CTNNA3: variants seen among roughly 807,000 people sequenced by gnomAD.
CTNNA3 encodes catenin alpha 3.
Under a neutral mutation model 95.7 loss-of-function variants are expected in CTNNA3, and 76 were observed. The observed-to-expected ratio is 0.79, with a 90% CI of 0.66 to 0.96. The LOEUF is 0.96. Among genes scored for constraint, CTNNA3 ranks in the 40% least tolerant of loss-of-function variants. CTNNA3 has a pLI of 0.00. For missense variants in CTNNA3, 1,191 were observed against 1,089.8 expected, an observed-to-expected ratio of 1.09 and a Z score of -1.31; for synonymous variants, 431 against 374.4, an observed-to-expected ratio of 1.15 and a Z score of -1.74.
chr10:67,373,651 A>G (rs956462770), intron 5 of CTNNA3, among the ~76,000 whole-genome samples: 11 of 152,190 alleles, frequency 7.2e-5, no homozygotes, highest in African/African-American at 2.7e-4. Context: ...AAGATCTCCC[A>G]CAATGTTAAG....
intron 5 of CTNNA3, among the ~76,000 whole-genome samples, chr10:67,305,176 T>A (rs555509452): frequency 6.6e-6 from 1 of 152,122 alleles, no homozygotes; most frequent in East Asian, 1.9e-4. Flanking sequence ...CGTGGGAGGC[T>A]GAGGCAGGAG....
chr10:67,753,787 T>C (rs1027332921), intron 1 of CTNNA3, among the ~76,000 whole-genome samples: 2 of 152,114 alleles, frequency 1.3e-5, no homozygotes, highest in Non-Finnish European at 2.9e-5. Context: ...TGAGTCAGAA[T>C]GGCGATTATT....
At chr10:67,729,131 T>C (rs1309485429) in intron 1 of CTNNA3, among the ~76,000 whole-genome samples, 1 of 152,132 alleles carries the variant, frequency 6.6e-6, no homozygotes, top group African/African-American at 2.4e-5. Flanking sequence ...AAAAATACTT[T>C]AAAATGTTTA....
At chr10:66,822,650 T>C (rs1842343338) in intron 7 of CTNNA3, among the ~76,000 whole-genome samples, 1 of 152,224 alleles carries the variant, frequency 6.6e-6, no homozygotes, top group Non-Finnish European at 1.5e-5. Context: ...TAGACTATTA[T>C]CAGTCTTCAC....
chr10:67,201,452 CT>C (rs938746524), intron 6 of CTNNA3, among the ~76,000 whole-genome samples: 41 of 149,670 alleles, frequency 2.7e-4, no homozygotes, highest in Admixed American at 1.3e-3. Context: ...TATGTCTATT[CT>C]TTTTTTTTTA....
intron 7 of CTNNA3, among the ~76,000 whole-genome samples, chr10:67,176,193 G>C (rs889814111): frequency 2.0e-5 from 3 of 152,098 alleles, no homozygotes; most frequent in Admixed American, 2.0e-4. Context: ...TTTATTTCTG[G>C]ATATTTACAT....
chr10:66,406,362 G>T (rs1221796651), intron 11 of CTNNA3, among the ~76,000 whole-genome samples: 1 of 152,096 alleles, frequency 6.6e-6, no homozygotes, highest in Non-Finnish European at 1.5e-5. Context: ...TACTGTGGGG[G>T]TTTTTATGTT....
intron 9 of CTNNA3, among the ~76,000 whole-genome samples, chr10:66,625,648 C>A (rs1424440560): frequency 1.3e-5 from 2 of 152,170 alleles, no homozygotes; most frequent in African/African-American, 4.8e-5. Flanking sequence ...CTCAGTCTCC[C>A]AAAGTGCTAG....
chr10:66,272,540 G>T (rs1009496823), intron 13 of CTNNA3, among the ~76,000 whole-genome samples: 6 of 151,922 alleles, frequency 3.9e-5, no homozygotes, highest in Admixed American at 3.3e-4. Flanking sequence ...GCCAAGCACC[G>T]GGAACTGTCG....
intron 10 of CTNNA3, among the ~76,000 whole-genome samples, chr10:66,573,577 G>A (rs1024487609): frequency 1.3e-5 from 2 of 152,066 alleles, no homozygotes; most frequent in Non-Finnish European, 2.9e-5. Flanking sequence ...TCTTCTTTAT[G>A]GCTTATTCTA....
At position 66,355,084 on chromosome 10, in the gene CTNNA3, G is replaced by C. The variant is rs149307139; in HGVS notation, c.1732+24068C>G. Among the ~76,000 whole-genome samples, 849 of 152,182 alleles carry C rather than the reference G, an allele frequency of 5.6e-3. 7 individuals carry two copies. Among genetic ancestry groups the C allele is most frequent in the African/African-American group, 0.019 (794 of 41,558 alleles). On this transcript the variant is annotated intron_variant, in intron 12 of 17. Coordinates refer to ENST00000433211, the MANE Select transcript of CTNNA3 (RefSeq NM_013266.4). ...TAGACAGGCTTAATTCTGGTGTGGCGTTCATCATCAAACATACCTGAGAGT... is the reference window on the plus strand; with the variant it reads ...TAGACAGGCTTAATTCTGGTGTGGCCTTCATCATCAAACATACCTGAGAGT...
At position 66,714,915 on chromosome 10, in the gene CTNNA3, T is replaced by G. The variant is rs147637473; in HGVS notation, c.1281+51349A>C. 4.7e-3 allele frequency among the ~76,000 whole-genome samples: 711 copies of G among 152,274 alleles called. 3 individuals carry two copies. The highest frequency in any genetic ancestry group is 8.2e-3 in the Non-Finnish European group (559 of 68,014). ...GTTCTTGGGAAGACGTGTAATACCC[T>G]TTCTGTTCTCATATTTCAGCCCTTC... On this transcript the variant is annotated intron_variant, in intron 9 of 17. Coordinates refer to ENST00000433211, the MANE Select transcript of CTNNA3 (RefSeq NM_013266.4).
chr10:66,483,091 T>G (rs1839597918), intron 11 of CTNNA3, among the ~76,000 whole-genome samples: 1 of 152,172 alleles, frequency 6.6e-6, no homozygotes, highest in Admixed American at 6.5e-5. Flanking sequence ...GGGGAAGACT[T>G]GGAGGCTAAC....
At chr10:67,287,369 C>T (rs1190514070) in intron 5 of CTNNA3, among the ~76,000 whole-genome samples, 2 of 152,044 alleles carry the variant, frequency 1.3e-5, no homozygotes, top group Non-Finnish European at 1.5e-5. Flanking sequence ...AACATTCTTA[C>T]AGATTGTCTT....
Position 66,685,294 on chromosome 10 carries a change from T to C in CTNNA3, c.1282-63510A>G, listed in dbSNP as rs4463747. ...ATATACGTATATATAAGTATATATA[T>C]GTGTGTATATATATGTGTGTGTGTA... is the stretch of plus-strand genomic sequence containing the variant. On this transcript the variant is annotated intron_variant, in intron 9 of 17. Coordinates refer to ENST00000433211, the MANE Select transcript of CTNNA3 (RefSeq NM_013266.4). Among the ~76,000 whole-genome samples, 25 of 88,808 alleles carry C rather than the reference T, an allele frequency of 2.8e-4. 1 individual carries two copies. The highest frequency in any genetic ancestry group is 4.1e-4 in the African/African-American group (8 of 19,632). The allele number at this position is 88,808 out of a possible 152,430, so 58.3% of individuals were successfully genotyped here.
At chr10:66,174,929 A>G (rs1433110531) in intron 13 of CTNNA3, among the ~76,000 whole-genome samples, 1 of 152,158 alleles carries the variant, frequency 6.6e-6, no homozygotes, top group Non-Finnish European at 1.5e-5. Flanking sequence ...ATTTGCTTAA[A>G]GTTACACACA....
At chr10:67,527,828 C>G (rs944135631) in intron 4 of CTNNA3, among the ~76,000 whole-genome samples, 2 of 152,084 alleles carry the variant, frequency 1.3e-5, no homozygotes, top group Non-Finnish European at 2.9e-5. Flanking sequence ...AAGAATTTTG[C>G]TTGTTGATTT....
intron 7 of CTNNA3, among the ~76,000 whole-genome samples, chr10:67,146,358 T>G (rs567480288): frequency 1.4e-3 from 211 of 152,314 alleles, no homozygotes; most frequent in Non-Finnish European, 2.2e-3. Context: ...TAAGTGTCTA[T>G]CTATATACCT....
chr10:66,573,065 C>T (rs546465317), intron 10 of CTNNA3, among the ~76,000 whole-genome samples: 1 of 152,264 alleles, frequency 6.6e-6, no homozygotes, highest in Non-Finnish European at 1.5e-5. Context: ...GTAATGGAAA[C>T]AGTGCATCTA....
Sources: gnomAD v4.1 joint callset for allele counts (sites outside exome capture counted in the v4.1 genomes callset) on GRCh38, gnomAD v4.1.1 for gene constraint, MANE v1.5 for transcripts, NCBI Gene and HGNC (gene_info 2026-07-23, HGNC 2026-07-21) for gene names.